ZDHHC21: variants seen among roughly 807,000 people sequenced by gnomAD.
ZDHHC21 encodes palmitoyltransferase ZDHHC21.
In ZDHHC21, 15 loss-of-function variants were observed where a neutral mutation model predicts 34.6. The ratio of observed to expected loss-of-function variants is 0.43; its 90% CI spans 0.29 to 0.67. The LOEUF (loss-of-function observed/expected upper bound fraction) is 0.67. ZDHHC21 is among the 30% of genes least tolerant of loss of function. ZDHHC21 has a pLI of 0.14. For synonymous variants in ZDHHC21, 142 were observed against 101.8 expected, an observed-to-expected ratio of 1.40 and a Z score of -2.38; for missense variants, 344 against 327.7, an observed-to-expected ratio of 1.05 and a Z score of -0.38.
At chr9:14,610,137 C>T (rs1046765169), downstream of ZDHHC21, among the ~76,000 whole-genome samples, 4 of 151,870 alleles carry the variant, frequency 2.6e-5, no homozygotes, top group African/African-American at 7.2e-5. Context: ...AGATCCTAAT[C>T]GGTTTTATTT....
At position 14,644,507 on chromosome 9, in the gene ZDHHC21, T is replaced by TG. The variant is rs553896432; in HGVS notation, c.505-4496_505-4495insC. Among the ~76,000 whole-genome samples the TG allele has an allele frequency of 1.6e-3, 238 of 148,984 alleles. 1 individual carries two copies. Among genetic ancestry groups the TG allele is most frequent in the Admixed American group, 3.8e-3 (56 of 14,902 alleles). The stretch of plus-strand genomic sequence containing the variant: ...TGCTATAGTTGGTTGATTTTGTGTG[T>TG]TTTTTTTTTAAGGGGGTCGGGAAGA... On this transcript the variant is annotated intron_variant, in intron 7 of 9. Transcript: ENST00000380916.
intron 5 of ZDHHC21, among the ~76,000 whole-genome samples, chr9:14,667,324 C>T (rs200049381): frequency 0.16 from 24,503 of 149,650 alleles, 2,149 homozygotes; most frequent in South Asian, 0.34. Flanking sequence ...TCTGAATAGA[C>T]GAATAACAGG....
At position 14,630,231 on chromosome 9, in the gene ZDHHC21, C is replaced by T. The variant is rs533892017; in HGVS notation, c.621+9665G>A. On this transcript the variant is annotated intron_variant, in intron 8 of 9. Transcript: ENST00000380916. ...CTGCTTTACCAACTAAGTCCATATA[C>T]TCTTCTAAATCCTTTGTTGTCATTT... Among the ~76,000 whole-genome samples the T allele has an allele frequency of 2.0e-5, 3 of 152,312 alleles. No individual in the cohort carries two copies. In the South Asian group the frequency reaches 6.2e-4, roughly 32 times the overall value.
At chr9:14,636,072 T>C (rs1245210029) in intron 8 of ZDHHC21, among the ~76,000 whole-genome samples, 1 of 152,190 alleles carries the variant, frequency 6.6e-6, no homozygotes, top group African/African-American at 2.4e-5. Context: ...TAATAATCTT[T>C]AATGTAAATG....
chr9:14,653,314 T>C (rs1386642783), intron 7 of ZDHHC21, among the ~76,000 whole-genome samples: 1 of 151,984 alleles, frequency 6.6e-6, no homozygotes, highest in East Asian at 1.9e-4. Flanking sequence ...TTTTGAAGAA[T>C]ATTCCACCAT....
At chr9:14,665,650 T>C (rs2133985292) in intron 5 of ZDHHC21, among the ~76,000 whole-genome samples, 2 of 138,814 alleles carry the variant, frequency 1.4e-5, no homozygotes, top group East Asian at 2.3e-4. Context: ...AGCGGATCTC[T>C]CGGCAGAAAC....
At chr9:14,630,294 C>T (rs1827103204) in intron 8 of ZDHHC21, among the ~76,000 whole-genome samples, 1 of 152,166 alleles carries the variant, frequency 6.6e-6, no homozygotes, top group Non-Finnish European at 1.5e-5. Context: ...GGGTAAACTC[C>T]ATCTCAAAAC....
chr9:14,591,350 G>C, the ZDHHC21 span, among the ~76,000 whole-genome samples: 1 of 152,040 alleles, frequency 6.6e-6, no homozygotes, highest in Non-Finnish European at 1.5e-5. Flanking sequence ...AGAGGATTGA[G>C]GGAGTAAATT....
chr9:14,637,688 G>T (rs985125241), intron 8 of ZDHHC21, among the ~76,000 whole-genome samples: 1 of 151,840 alleles, frequency 6.6e-6, no homozygotes. Context: ...AAAGTCACAG[G>T]ATACAAAATC....
At chr9:14,630,567 T>C (rs1463408916) in intron 8 of ZDHHC21, among the ~76,000 whole-genome samples, 10 of 152,208 alleles carry the variant, frequency 6.6e-5, no homozygotes. Flanking sequence ...TCTAAAATGG[T>C]AAATCTTTTC....
At chr9:14,687,285 C>A (rs1362964085) in intron 2 of ZDHHC21, among the ~76,000 whole-genome samples, 2 of 150,778 alleles carry the variant, frequency 1.3e-5, no homozygotes, top group Non-Finnish European at 2.9e-5. Context: ...CAGAGCTACA[C>A]TGCAGACACA....
intron 8 of ZDHHC21, among the ~76,000 whole-genome samples, chr9:14,638,059 T>C (rs534868146): frequency 3.1e-4 from 47 of 152,096 alleles, no homozygotes; most frequent in African/African-American, 1.1e-3. Flanking sequence ...AGGGCCCGAA[T>C]AGTCAAAAAA....
intron 3 of ZDHHC21, among the ~76,000 whole-genome samples, chr9:14,674,995 T>C (rs936436345): frequency 1.3e-5 from 2 of 151,978 alleles, no homozygotes. Flanking sequence ...TAAACTACAA[T>C]AAAACATTTT....
chr9:14,618,150 C>A lies in ZDHHC21; in HGVS notation c.*816G>T, dbSNP rs1456900668. 1 of 152,310 alleles carries A rather than the reference C, an allele frequency of 6.6e-6. No individual in the cohort carries two copies. The highest frequency in any genetic ancestry group is 1.5e-5 in the Non-Finnish European group (1 of 67,952). 9.4% of individuals were successfully genotyped at this position (152,310 alleles called of 1,614,324 possible). A position where few individuals can be genotyped will look rare whatever the true frequency, so the allele number is the denominator to read the frequency against. On this transcript the variant is annotated 3_prime_UTR_variant, in exon 10 of 10. Coordinates refer to ENST00000380916, the MANE Select transcript of ZDHHC21 (RefSeq NM_178566.6). ...TTGTGAAGTTATTGCAAATTCTCTC[C>A]CCTTTTTGCTCATTAAAATCTTAGG...
At chr9:14,620,858 TTAGC>T (rs1825185806) in intron 8 of ZDHHC21, among the ~76,000 whole-genome samples, 1 of 152,070 alleles carries the variant, frequency 6.6e-6, no homozygotes, top group African/African-American at 2.4e-5. Context: ...AAGTTATAGA[TTAGC>T]TACATATTCT....
In ZDHHC21 at chr9:14,678,873, G is replaced by C. The variant is rs117499946; in HGVS notation, c.-46+1160C>G. ...TAAGGCAGAAAAGAAGGCAGATTTA[G>C]ATCTGCATATAACTACCCACAACAT... is the stretch of plus-strand genomic sequence containing the variant. On this transcript the variant is annotated intron_variant, in intron 3 of 9. Transcript: ENST00000380916. 6.3e-3 allele frequency among the ~76,000 whole-genome samples: 958 copies of C among 152,130 alleles called. 22 individuals carry two copies. The highest frequency in any genetic ancestry group is 0.036 in the East Asian group (185 of 5,178).
chr9:14,617,552 T>C lies in ZDHHC21; in HGVS notation c.*1414A>G, dbSNP rs921603579. 2 of 151,992 alleles carry C rather than the reference T, an allele frequency of 1.3e-5. No homozygotes were observed. The highest frequency in any genetic ancestry group is 2.1e-4 in the South Asian group (1 of 4,826). The allele number at this position is 151,992 out of a possible 1,614,324, so 9.4% of individuals were successfully genotyped here. On this transcript the variant is annotated 3_prime_UTR_variant, in exon 10 of 10. Transcript: ENST00000380916. ...AAATGTTAGCATGGTTTATGAACAG[T>C]AGACTTTTTCAATCTTCTCTTCAAG...
chr9:14,656,905 T>C (rs1455172131), intron 7 of ZDHHC21, among the ~76,000 whole-genome samples: 2 of 152,168 alleles, frequency 1.3e-5, no homozygotes, highest in South Asian at 2.1e-4. Context: ...ACTTTTTATA[T>C]ACTTTCTTCT....
intron 7 of ZDHHC21, among the ~76,000 whole-genome samples, chr9:14,653,984 T>G (rs900476673): frequency 6.6e-6 from 1 of 152,022 alleles, no homozygotes; most frequent in African/African-American, 2.4e-5. Context: ...TCAGAGAAAG[T>G]AGACAGGCGT....
Sources: gnomAD v4.1 joint callset for allele counts (sites outside exome capture counted in the v4.1 genomes callset) on GRCh38, gnomAD v4.1.1 for gene constraint, MANE v1.5 for transcripts, NCBI Gene and HGNC (gene_info 2026-07-23, HGNC 2026-07-21) for gene names.